Variants in ZNF148 observed in about 807,000 individuals in gnomAD.
The protein encoded by ZNF148 is zinc finger protein 148.
A neutral mutation model predicts 67.7 loss-of-function variants in ZNF148; 7 were observed. That is an observed-to-expected ratio of 0.10 (90% CI 0.06 to 0.19). The LOEUF is 0.19. ZNF148 is among the 10% of genes least tolerant of loss of function. ZNF148 has a pLI of 1.00. For synonymous variants in ZNF148, 333 were observed against 330.7 expected, an observed-to-expected ratio of 1.01 and a Z score of -0.08; for missense variants, 583 against 947.1, an observed-to-expected ratio of 0.62 and a Z score of 5.05.
chr3:125,297,294 T>G (rs1231066653), intron 4 of ZNF148, among the ~76,000 whole-genome samples: 1 of 151,960 alleles, frequency 6.6e-6, no homozygotes, highest in African/African-American at 2.4e-5. Context: ...AAAAATCAAT[T>G]CCCAGTGGAT....
chr3:125,367,969 G>A (rs1358254465), intron 1 of ZNF148, among the ~76,000 whole-genome samples: 1 of 152,210 alleles, frequency 6.6e-6, no homozygotes, highest in Non-Finnish European at 1.5e-5. Context: ...AAAGCATTCA[G>A]ACAAAAATAG....
At chr3:125,344,284 G>T in intron 1 of ZNF148, 1 of 433,602 alleles carries the variant, frequency 2.3e-6, no homozygotes, top group South Asian at 2.4e-5. Flanking sequence ...GAAAGAGAAT[G>T]AAGTGAAGCC....
intron 7 of ZNF148, among the ~76,000 whole-genome samples, chr3:125,244,497 TTTTG>T (rs1431642596): frequency 1.3e-5 from 2 of 151,938 alleles, no homozygotes; most frequent in African/African-American, 2.4e-5. Flanking sequence ...CAGAAATCTT[TTTTG>T]TTTTTTTTTT....
chr3:125,284,937 C>T (rs1938578754), intron 5 of ZNF148, among the ~76,000 whole-genome samples: 1 of 148,444 alleles, frequency 6.7e-6, no homozygotes, highest in South Asian at 2.1e-4. Flanking sequence ...AAAGACTCAG[C>T]TTTGCCATAT....
At chr3:125,335,133 C>T (rs536941216) in intron 1 of ZNF148, among the ~76,000 whole-genome samples, 2 of 152,304 alleles carry the variant, frequency 1.3e-5, no homozygotes, top group East Asian at 1.9e-4. Flanking sequence ...ACATATTACA[C>T]AACCAACTTA....
intron 7 of ZNF148, among the ~76,000 whole-genome samples, chr3:125,244,744 C>T (rs980532638): frequency 2.0e-5 from 3 of 152,116 alleles, no homozygotes; most frequent in Non-Finnish European, 2.9e-5. Flanking sequence ...GTGATCTACC[C>T]GCCTTGCCCT....
chr3:125,243,558 G>A (rs558214276), intron 7 of ZNF148, among the ~76,000 whole-genome samples: 2 of 152,054 alleles, frequency 1.3e-5, no homozygotes, highest in South Asian at 2.1e-4. Flanking sequence ...TCTCACTCTG[G>A]CACCCAGGCT....
intron 7 of ZNF148, among the ~76,000 whole-genome samples, chr3:125,255,174 T>C (rs1006820893): frequency 1.3e-5 from 2 of 151,956 alleles, no homozygotes; most frequent in East Asian, 3.9e-4. Context: ...ATTATCAATG[T>C]CTGGTCTGTA....
At chr3:125,372,681 G>C (rs1021387296) in intron 1 of ZNF148, among the ~76,000 whole-genome samples, 1 of 152,178 alleles carries the variant, frequency 6.6e-6, no homozygotes, top group Non-Finnish European at 1.5e-5. Context: ...TAATAAAAGA[G>C]TAGAGGCCGA....
intron 7 of ZNF148, among the ~76,000 whole-genome samples, chr3:125,258,263 A>C (rs1937180337): frequency 6.6e-6 from 1 of 151,906 alleles, no homozygotes; most frequent in Non-Finnish European, 1.5e-5. Context: ...TCTACTAAAA[A>C]ATACAAAAAA....
chr3:125,267,817 A>G (rs768202686), intron 7 of ZNF148, among the ~76,000 whole-genome samples: 1 of 152,248 alleles, frequency 6.6e-6, no homozygotes, highest in Non-Finnish European at 1.5e-5. Flanking sequence ...ATGATTCAGT[A>G]TCTAGAAAGC....
At chr3:125,336,074 T>C (rs1401058362) in intron 1 of ZNF148, among the ~76,000 whole-genome samples, 1 of 152,230 alleles carries the variant, frequency 6.6e-6, no homozygotes, top group Non-Finnish European at 1.5e-5. Context: ...AACATAGTTC[T>C]TGGTTAATTA....
Position 125,279,269 on chromosome 3 carries a change from A to G in ZNF148, c.460-22T>C, listed in dbSNP as rs376754273. The stretch of plus-strand genomic sequence containing the variant: ...GGATCTAGTTCAAAAAAAAAAAGGC[A>G]AAAACAAAAGAAATAAGTTTTTAAA... On this transcript the variant is annotated intron_variant, in intron 5 of 8. Coordinates refer to ENST00000360647, the MANE Select transcript of ZNF148 (RefSeq NM_021964.3). 59 of 1,055,256 alleles carry G rather than the reference A, an allele frequency of 5.6e-5. 3 individuals are homozygous for G. In the African/African-American group the frequency reaches 9.1e-4, roughly 16 times the overall value. 65.4% of individuals were successfully genotyped at this position (1,055,256 alleles called of 1,614,324 possible).
intron 7 of ZNF148, among the ~76,000 whole-genome samples, chr3:125,260,247 G>T (rs1937277003): frequency 6.6e-6 from 1 of 152,004 alleles, no homozygotes. Context: ...AGTGCACGCT[G>T]CTGGAAACAT....
Position 125,327,279 on chromosome 3 carries a change from T to C in ZNF148, c.-152-3835A>G, listed in dbSNP as rs572676897. 3.3e-5 allele frequency among the ~76,000 whole-genome samples: 5 copies of C among 152,216 alleles called. No homozygotes were observed. The South Asian group carries it at 1.0e-3, about 32-fold the overall frequency. On this transcript the variant is annotated intron_variant, in intron 2 of 8. Transcript: ENST00000360647. ...CATTATTGAAAGGAAAAATTAAAAATTCAACAATTATATTTGGAGATCTCA... is the reference window on the plus strand; with the variant it reads ...CATTATTGAAAGGAAAAATTAAAAACTCAACAATTATATTTGGAGATCTCA...
At chr3:125,293,219 C>T (rs990823984) in intron 4 of ZNF148, among the ~76,000 whole-genome samples, 1 of 152,134 alleles carries the variant, frequency 6.6e-6, no homozygotes, top group South Asian at 2.1e-4. Flanking sequence ...ACGGCCAGAA[C>T]ATTTGAGAGC....
At chr3:125,240,798 A>C (rs944004937) in intron 7 of ZNF148, among the ~76,000 whole-genome samples, 2 of 151,904 alleles carry the variant, frequency 1.3e-5, no homozygotes, top group African/African-American at 4.8e-5. Context: ...CCAAAAACCA[A>C]AACAAAACCA....
At chr3:125,282,196 C>G (rs1263012210) in intron 5 of ZNF148, among the ~76,000 whole-genome samples, 4 of 152,110 alleles carry the variant, frequency 2.6e-5, no homozygotes, top group African/African-American at 4.8e-5. Context: ...AGCACACTAA[C>G]GCAGGCAAAA....
At chr3:125,347,813 T>G (rs993982662) in intron 1 of ZNF148, among the ~76,000 whole-genome samples, 4 of 152,148 alleles carry the variant, frequency 2.6e-5, no homozygotes. Context: ...TACAGGAGTG[T>G]GCCCACTGCA....
Sources: allele counts gnomAD v4.1 joint callset (sites outside exome capture counted in the v4.1 genomes callset), GRCh38; gene constraint gnomAD v4.1.1; transcripts MANE v1.5; gene names NCBI Gene and HGNC (gene_info 2026-07-23, HGNC 2026-07-21).